The following NAA25 variants were observed in gnomAD, a reference collection of about 807,000 sequenced individuals.
NAA25 encodes the protein N-terminal acetyltransferase B complex subunit NAA25.
A neutral mutation model predicts 132.5 loss-of-function variants in NAA25; 30 were observed. That is an observed-to-expected ratio of 0.23 (90% CI 0.17 to 0.31). The LOEUF is 0.31. Ranked by LOEUF, NAA25 falls within the 10% of genes least tolerant of loss-of-function variation. NAA25 has a pLI of 1.00. For missense variants in NAA25, 771 were observed against 1,150.4 expected (o/e 0.67, Z 4.77); for synonymous variants, 359 against 401.9 (o/e 0.89, Z 1.28).
chr12:112,095,632 A>C (rs1288896464), intron 1 of NAA25, among the ~76,000 whole-genome samples: 4 of 151,250 alleles, frequency 2.6e-5, no homozygotes, highest in South Asian at 4.2e-4. Context: ...AAAAAAAAAA[A>C]CAAGAAATGA....
chr12:112,074,059 G>A (rs1021971255), intron 9 of NAA25, among the ~76,000 whole-genome samples: 6 of 152,016 alleles, frequency 3.9e-5, no homozygotes, highest in South Asian at 2.1e-4. Context: ...TAAGCCGGGC[G>A]CAATGGCTCA....
rs10849997 is a variant in NAA25 at position 112,069,997 on chromosome 12, G to A, written c.1037-1005C>T. Among the ~76,000 whole-genome samples, 8,340 of 151,526 alleles carry A rather than the reference G, an allele frequency of 0.055. 1,265 individuals are homozygous for A. The East Asian group carries it at 0.61, about 11-fold the overall frequency. Reference sequence around the variant, plus strand: ...ACAAAAATTAGCCAGGTGTGGTGGCGATCGCCTGTAATCCCAGCTACTTGG... The same window carrying A: ...ACAAAAATTAGCCAGGTGTGGTGGCAATCGCCTGTAATCCCAGCTACTTGG... On this transcript the variant is annotated intron_variant, in intron 10 of 23. Coordinates refer to ENST00000261745, the MANE Select transcript of NAA25 (RefSeq NM_024953.4).
intron 1 of NAA25, among the ~76,000 whole-genome samples, chr12:112,093,406 T>C (rs2079165760): frequency 6.6e-6 from 1 of 151,468 alleles, no homozygotes; most frequent in Non-Finnish European, 1.5e-5. Context: ...CAGGCAGTGG[T>C]GATGCACACC....
chr12:112,051,348 T>C (rs1447719267), intron 15 of NAA25, among the ~76,000 whole-genome samples: 1 of 152,150 alleles, frequency 6.6e-6, no homozygotes, highest in Non-Finnish European at 1.5e-5. Flanking sequence ...GTAGCTGGGA[T>C]TACAGGCACC....
rs748562125 is a variant in NAA25 at position 112,040,544 on chromosome 12, T to A, written c.2475A>T (p.Glu825Asp). ...GTGTTTTCAAGTTACCATCTTTAACTTCTAAGAGGTCACCTTTACATTTAC... is the reference window on the plus strand; with the variant it reads ...GTGTTTTCAAGTTACCATCTTTAACATCTAAGAGGTCACCTTTACATTTAC... The part of the protein sequence containing the change: ...VFSKCKGDLL[E>D]VKDGNLKTHP... Residue 825 changes from glutamate to aspartate, a missense_variant, in exon 21 of 24, where the codon GAA becomes GAT. Around this residue, in one of 3 missense-constraint regions of NAA25, gnomAD observed 324 missense variants for 400.0 expected, o/e 0.81. Transcript: ENST00000261745. 2.8e-5 allele frequency: 45 copies of A among 1,604,272 alleles called. No individual in the cohort carries two copies. The highest frequency in any genetic ancestry group is 3.8e-5 in the Non-Finnish European group (45 of 1,174,280).
chr12:112,042,941 C>T (rs2078322765), intron 19 of NAA25, 147 bp downstream of exon 19: 1 of 600,512 alleles, frequency 1.7e-6, no homozygotes, highest in Non-Finnish European at 2.7e-6. Context: ...ACGACTGTAC[C>T]CTCTCATACA....
chr12:112,092,822 C>T (rs2079155733), intron 2 of NAA25, among the ~76,000 whole-genome samples: 1 of 151,938 alleles, frequency 6.6e-6, no homozygotes. Flanking sequence ...GGATTACAGG[C>T]GCACGCCACC....
chr12:112,078,326 C>A, intron 6 of NAA25, 60 bp from the exon 7 acceptor site: 1 of 1,247,660 alleles, frequency 8.0e-7, no homozygotes, highest in South Asian at 1.3e-5. Context: ...AAAAGACAGT[C>A]ATTTATAGGT....
At chr12:112,041,353 A>T (rs965198346) in intron 20 of NAA25, among the ~76,000 whole-genome samples, 2 of 151,572 alleles carry the variant, frequency 1.3e-5, no homozygotes, top group Admixed American at 1.3e-4. Context: ...ACACCCGGCT[A>T]ATTTTTTTGT....
intron 4 of NAA25, among the ~76,000 whole-genome samples, chr12:112,084,104 T>C (rs2079009987): frequency 6.6e-6 from 1 of 152,206 alleles, no homozygotes; most frequent in African/African-American, 2.4e-5. Context: ...AACATGGATC[T>C]AAGTTGGTGA....
intron 5 of NAA25, among the ~76,000 whole-genome samples, chr12:112,079,019 A>T (rs1168270947): frequency 6.6e-6 from 1 of 152,186 alleles, no homozygotes; most frequent in Non-Finnish European, 1.5e-5. Context: ...GAAGAATGTA[A>T]AGAGGGAGCA....
Position 112,043,858 on chromosome 12 carries a change from C to T in NAA25, c.2017G>A (p.Glu673Lys), listed in dbSNP as rs1179761489. 6.2e-7 allele frequency: 1 copy of T among 1,612,030 alleles called. No individual in the cohort carries two copies. Among genetic ancestry groups the T allele is most frequent in the Non-Finnish European group, 8.5e-7 (1 of 1,178,326 alleles). Residue 673 changes from glutamate (E) to lysine (K), a missense_variant, in exon 18 of 24, where the codon GAA becomes AAA. This residue lies in a region of NAA25 where 324 missense variants were observed against 400.0 expected (regional missense o/e 0.81). Transcript: ENST00000261745. ...TCTAAGGAAAGTTTCTTATGTTCTT[C>T]AGAAACGTCCCTTAAACAGAAACAT... ...SWDPKDRDVS[E>K]EHKKLSLEEE...
chr12:112,045,208 G>GT (rs1187908552), intron 17 of NAA25, among the ~76,000 whole-genome samples: 2 of 152,130 alleles, frequency 1.3e-5, no homozygotes, highest in African/African-American at 4.8e-5. Flanking sequence ...AATAGCGGGT[G>GT]TGGCCCGGTG....
chr12:112,058,477 T>C (rs1321681907), intron 13 of NAA25, among the ~76,000 whole-genome samples: 2 of 152,188 alleles, frequency 1.3e-5, no homozygotes, highest in African/African-American at 2.4e-5. Context: ...GAAAACAGGG[T>C]ACCTCTGAAG....
chr12:112,104,835 C>CG (rs570920196), intron 1 of NAA25, among the ~76,000 whole-genome samples: 1 of 138,816 alleles, frequency 7.2e-6, no homozygotes, highest in Non-Finnish European at 1.5e-5. Context: ...GACTCCATCT[C>CG]AAAAAAAAAA....
At chr12:112,091,862 AAAG>A (rs1337461135) in intron 2 of NAA25, among the ~76,000 whole-genome samples, 3 of 152,238 alleles carry the variant, frequency 2.0e-5, no homozygotes, top group Admixed American at 2.0e-4. Flanking sequence ...TGTCTCAAAA[AAAG>A]AAGTGCACAA....
Position 112,029,296 on chromosome 12 carries a change from A to T in NAA25, c.*235T>A, listed in dbSNP as rs2078119612. The T allele has an allele frequency of 3.8e-6, 2 of 521,034 alleles. No individual in the cohort carries two copies. The highest frequency in any genetic ancestry group is 6.7e-6 in the Non-Finnish European group (2 of 298,878). The allele number at this position is 521,034 out of a possible 1,614,324, so 32.3% of individuals were successfully genotyped here. A position where few individuals can be genotyped will look rare whatever the true frequency, so the allele number is the denominator to read the frequency against. On this transcript the variant is annotated 3_prime_UTR_variant, in exon 24 of 24. Coordinates refer to ENST00000261745, the MANE Select transcript of NAA25 (RefSeq NM_024953.4). ...GTTCTCTTGTTGCTGCCATATGCAT[A>T]TGAACATGTATAAAAAGTGGTCAAA... is the stretch of plus-strand genomic sequence containing the variant.
At chr12:112,047,272 C>T (rs1353311022) in intron 17 of NAA25, among the ~76,000 whole-genome samples, 46 of 137,064 alleles carry the variant, frequency 3.4e-4, no homozygotes, top group Middle Eastern at 4.8e-3. Context: ...GCTCTTGTTG[C>T]CCAGGCTGGA....
intron 9 of NAA25, among the ~76,000 whole-genome samples, chr12:112,074,256 G>A (rs1196799780): frequency 6.7e-6 from 1 of 148,898 alleles, no homozygotes; most frequent in Non-Finnish European, 1.5e-5. Flanking sequence ...CAGGAGAATC[G>A]CTTGCTTCTG....
Sources: allele counts gnomAD v4.1 joint callset (sites outside exome capture counted in the v4.1 genomes callset), GRCh38; gene constraint gnomAD v4.1.1; regional missense constraint gnomAD v4.1.1; transcripts MANE v1.5; gene names NCBI Gene and HGNC (gene_info 2026-07-23, HGNC 2026-07-21).